SOX10: variants seen among roughly 807,000 people sequenced by gnomAD.
SOX10 encodes the protein transcription factor SOX-10.
A neutral mutation model predicts 35.0 loss-of-function variants in SOX10; 3 were observed. That is an observed-to-expected ratio of 0.09 (90% CI 0.04 to 0.22). The LOEUF (loss-of-function observed/expected upper bound fraction) is 0.22, where lower values mean the gene tolerates loss of function less well. Ranked by LOEUF, SOX10 falls within the 10% of genes least tolerant of loss-of-function variation. The probability of loss-of-function intolerance (pLI) is 1.00; values close to 1 mark genes in which losing one functional copy is unlikely to be tolerated. For missense variants in SOX10, 436 were observed against 655.1 expected (o/e 0.67, Z 3.65); for synonymous variants, 285 against 291.0 (o/e 0.98, Z 0.21).
rs1932299360 is a variant in SOX10, at chr22:37,978,651, A to C, written c.429-516T>G. 1.3e-5 allele frequency among the ~76,000 whole-genome samples: 2 copies of C among 152,176 alleles called. No individual in the cohort carries two copies. Among genetic ancestry groups the C allele is most frequent in the Non-Finnish European group, 2.9e-5 (2 of 68,032 alleles). ...TACTTCTCTGAGCCTGAGTTTCTTC[A>C]CCTATAAAAGGATGATAACATTGGC... On this transcript the variant is annotated intron_variant, in intron 2 of 3. Coordinates refer to ENST00000396884, the MANE Select transcript of SOX10 (RefSeq NM_006941.4). The surrounding 1 kb of genome is among the most constrained non-coding windows in gnomAD (Gnocchi z 5.0).
At position 37,973,291 on chromosome 22, in the gene SOX10, T is replaced by C. The variant is rs1932113851; in HGVS notation, c.*204A>G. 1 of 559,556 alleles carries C rather than the reference T, an allele frequency of 1.8e-6. No individual in the cohort carries two copies. Among genetic ancestry groups the C allele is most frequent in the African/African-American group, 1.9e-5 (1 of 53,396 alleles). 34.7% of individuals were successfully genotyped at this position (559,556 alleles called of 1,614,324 possible). ...CCTCCTTCTCCTCTGTCCAGCCTGT[T>C]CTCCTGGGGCTTTGCTGCTGGAGCC... On this transcript the variant is annotated 3_prime_UTR_variant, in exon 4 of 4. Coordinates refer to ENST00000396884, the MANE Select transcript of SOX10 (RefSeq NM_006941.4).
rs1932163835 is a variant in SOX10, at chr22:37,974,404, G to A, written c.698-206C>T. ...TTTCGCTCTTGTTGCCCAGACTGGA[G>A]TGCAGTGGCGCCATCTCGGCTCACT... On this transcript the variant is annotated intron_variant, in intron 3 of 3. Coordinates refer to ENST00000396884, the MANE Select transcript of SOX10 (RefSeq NM_006941.4). This position sits in a 1 kb window ranked among gnomAD's most constrained non-coding sequence, Gnocchi z 5.4. 6.6e-6 allele frequency among the ~76,000 whole-genome samples: 1 copy of A among 151,036 alleles called. No homozygotes were observed. The highest frequency in any genetic ancestry group is 6.6e-5 in the Admixed American group (1 of 15,188).
At position 37,974,228 on chromosome 22, in the gene SOX10, C is replaced by T. The variant is rs1224599820; in HGVS notation, c.698-30G>A. 8 of 1,532,200 alleles carry T rather than the reference C, an allele frequency of 5.2e-6. No individual in the cohort carries two copies. The highest frequency in any genetic ancestry group is 4.5e-5 in the East Asian group (2 of 44,312). 94.9% of individuals were successfully genotyped at this position (1,532,200 alleles called of 1,614,324 possible). On this transcript the variant is annotated intron_variant, in intron 3 of 3. Transcript: ENST00000396884. The surrounding 1 kb of genome is among the most constrained non-coding windows in gnomAD (Gnocchi z 5.4). ...GTAGAAGGGAGACAGAGAGAGAGAGCGCAAGGGGGAAGCAGGTTAGAGGCA... is the reference window on the plus strand; with the variant it reads ...GTAGAAGGGAGACAGAGAGAGAGAGTGCAAGGGGGAAGCAGGTTAGAGGCA...
At position 37,980,051 on chromosome 22, in the gene SOX10, C is replaced by A. The variant is rs1356346024; in HGVS notation, c.429-1916G>T. Among the ~76,000 whole-genome samples the A allele has an allele frequency of 6.6e-6, 1 of 152,150 alleles. No individual in the cohort carries two copies. Among genetic ancestry groups the A allele is most frequent in the Non-Finnish European group, 1.5e-5 (1 of 68,022 alleles). Reference sequence around the variant, plus strand: ...GGCTTAGCCTCCCTGTCTACTCCCCCCACCCCGGCCCTGAGCCCAGCCCTA... The same window carrying A: ...GGCTTAGCCTCCCTGTCTACTCCCCACACCCCGGCCCTGAGCCCAGCCCTA... On this transcript the variant is annotated intron_variant, in intron 2 of 3. Coordinates refer to ENST00000396884, the MANE Select transcript of SOX10 (RefSeq NM_006941.4). This position sits in a 1 kb window ranked among gnomAD's most constrained non-coding sequence, Gnocchi z 4.1.
chr22:37,976,337 G>A (rs907944611), intron 3 of SOX10, among the ~76,000 whole-genome samples: 1 of 152,178 alleles, frequency 6.6e-6, no homozygotes, highest in Non-Finnish European at 1.5e-5. Context: ...CTGGGACTGC[G>A]GGCGCATTCC....
intron 3 of SOX10, 44 bp downstream of exon 3, chr22:37,977,823 C>G (rs1187587983): frequency 1.9e-6 from 3 of 1,581,096 alleles, no homozygotes; most frequent in East Asian, 4.5e-5. Context: ...CCTGTCTCCA[C>G]TGACTGGCCT....
Position 37,983,678 on chromosome 22 carries a change from C to CCGCCGT in SOX10, c.101_106dup (p.Asp34_Gly35dup). ...GGCTCGCAGGCCCGATCCGCCGCCG[C>CCGCCGT]CGCCGTCGGGCCCTAGCGAGGGCGC... is the stretch of plus-strand genomic sequence containing the variant. On this transcript the variant is annotated inframe_insertion, in exon 2 of 4. Transcript: ENST00000396884. This position sits in a 1 kb window ranked among gnomAD's most constrained non-coding sequence, Gnocchi z 9.5. The CCGCCGT allele has an allele frequency of 3.2e-6, 5 of 1,565,348 alleles. No homozygotes were observed. Among genetic ancestry groups the CCGCCGT allele is most frequent in the Non-Finnish European group, 2.6e-6 (3 of 1,162,174 alleles).
At position 37,983,470 on chromosome 22, in the gene SOX10, C is replaced by T. The variant is rs1932465045; in HGVS notation, c.315G>A (p.Lys105=). 4 of 1,612,346 alleles carry T rather than the reference C, an allele frequency of 2.5e-6. No individual in the cohort carries two copies. Among genetic ancestry groups the T allele is most frequent in the Non-Finnish European group, 3.4e-6 (4 of 1,179,524 alleles). ...NGASKSKPHV[K]RPMNAFMVWA... ...ACACCATGAAGGCGTTCATGGGCCG[C>T]TTGACGTGCGGCTTGCTTTTGCTGG... The change falls in exon 2 of 4, where the codon AAG becomes AAA. Residue 105 remains lysine (K), a synonymous_variant. Coordinates refer to ENST00000396884, the MANE Select transcript of SOX10 (RefSeq NM_006941.4). The surrounding 1 kb of genome is among the most constrained non-coding windows in gnomAD (Gnocchi z 9.5).
chr22:37,978,184 T>C lies in SOX10; in HGVS notation c.429-49A>G. ...AGGACAGCAGAGGGGCTGGCGTGAA[T>C]GCCAGAGCACTCCAGGTTGGCCTCC... On this transcript the variant is annotated intron_variant, in intron 2 of 3. Transcript: ENST00000396884. The surrounding 1 kb of genome is among the most constrained non-coding windows in gnomAD (Gnocchi z 5.0). 6.8e-7 allele frequency: 1 copy of C among 1,473,804 alleles called. No homozygotes were observed. The highest frequency in any genetic ancestry group is 9.0e-7 in the Non-Finnish European group (1 of 1,112,364). The allele number at this position is 1,473,804 out of a possible 1,614,324, so 91.3% of individuals were successfully genotyped here. A position where few individuals can be genotyped will look rare whatever the true frequency, so the allele number is the denominator to read the frequency against.
chr22:37,982,395 G>C (rs1229744198), intron 2 of SOX10, among the ~76,000 whole-genome samples: 1 of 152,146 alleles, frequency 6.6e-6, no homozygotes, highest in Non-Finnish European at 1.5e-5. Context: ...GCACTCCCGG[G>C]TGGGAGTGGG....
rs564384921 is a variant in SOX10, at chr22:37,980,405, C to G, written c.429-2270G>C. 2.3e-4 allele frequency among the ~76,000 whole-genome samples: 35 copies of G among 152,154 alleles called. No homozygotes were observed. Among genetic ancestry groups the G allele is most frequent in the Non-Finnish European group, 4.0e-4 (27 of 68,022 alleles). ...GCAGCCAGCATCAGCAAGAAAGTGA[C>G]AGGGGCCAGAAGAGAGAGAGGATTC... On this transcript the variant is annotated intron_variant, in intron 2 of 3. Coordinates refer to ENST00000396884, the MANE Select transcript of SOX10 (RefSeq NM_006941.4). The surrounding 1 kb of genome is among the most constrained non-coding windows in gnomAD (Gnocchi z 4.1).
chr22:37,977,857 C>G lies in SOX10; in HGVS notation c.697+10G>C. On this transcript the variant is annotated intron_variant, in intron 3 of 3. Transcript: ENST00000396884. ...CTTGCCCCACCCTCAGCTCTGTCATCAGCACTCACCTGAGGGGTGCTCGGG... is the reference window on the plus strand; with the variant it reads ...CTTGCCCCACCCTCAGCTCTGTCATGAGCACTCACCTGAGGGGTGCTCGGG... 1.9e-6 allele frequency: 3 copies of G among 1,605,024 alleles called. No homozygotes were observed. Among genetic ancestry groups the G allele is most frequent in the Non-Finnish European group, 2.6e-6 (3 of 1,174,406 alleles).
chr22:37,981,871 G>C (rs1213782970), intron 2 of SOX10, among the ~76,000 whole-genome samples: 3 of 152,214 alleles, frequency 2.0e-5, no homozygotes, highest in Non-Finnish European at 4.4e-5. Flanking sequence ...GGGTGAGCAG[G>C]GCACTGAGGG....
Position 37,972,352 on chromosome 22 carries a change from C to A in SOX10, c.*1143G>T, listed in dbSNP as rs1932085702. 3.0e-6 allele frequency: 2 copies of A among 674,860 alleles called. No individual in the cohort carries two copies. Among genetic ancestry groups the A allele is most frequent in the Non-Finnish European group, 4.8e-6 (2 of 416,322 alleles). 41.8% of individuals were successfully genotyped at this position (674,860 alleles called of 1,614,324 possible). ...ATTTTATTATGTGGAATGCTTAATG[C>A]AGAGTTAATAGGGGCTAGAGTGGCT... On this transcript the variant is annotated 3_prime_UTR_variant, in exon 4 of 4. Transcript: ENST00000396884.
chr22:37,983,233 A>C lies in SOX10; in HGVS notation c.428+124T>G. 1 of 1,179,434 alleles carries C rather than the reference A, an allele frequency of 8.5e-7. No individual in the cohort carries two copies. The highest frequency in any genetic ancestry group is 1.2e-6 in the Non-Finnish European group (1 of 823,226). 73.1% of individuals were successfully genotyped at this position (1,179,434 alleles called of 1,614,324 possible). On this transcript the variant is annotated intron_variant, in intron 2 of 3. Transcript: ENST00000396884. The surrounding 1 kb of genome is among the most constrained non-coding windows in gnomAD (Gnocchi z 9.5). ...GCGCGGCCCCCACACCTGGTCTTCC[A>C]GCCCTATCCAAGGAGGACTGCCAGA...
chr22:37,979,426 CG>C (rs1329750059), intron 2 of SOX10, among the ~76,000 whole-genome samples: 4 of 151,960 alleles, frequency 2.6e-5, no homozygotes, highest in Non-Finnish European at 2.9e-5. Context: ...ATGCTGCTTG[CG>C]GGGGTGGTTG....
At position 37,978,368 on chromosome 22, in the gene SOX10, G is replaced by A. The variant is rs992292424; in HGVS notation, c.429-233C>T. ...CTGCCCCCAAATCTTTCATGGGCTG[G>A]AGGGTGAGAGAGGGGTCAGCCCGCT... On this transcript the variant is annotated intron_variant, in intron 2 of 3. Transcript: ENST00000396884. The surrounding 1 kb of genome is among the most constrained non-coding windows in gnomAD (Gnocchi z 5.0). Among the ~76,000 whole-genome samples, 1 of 152,264 alleles carries A rather than the reference G, an allele frequency of 6.6e-6. No homozygotes were observed. The highest frequency in any genetic ancestry group is 1.5e-5 in the Non-Finnish European group (1 of 68,042).
Position 37,974,324 on chromosome 22 carries a change from C to A in SOX10, c.698-126G>T. ...GCCTCTGGGAAAACCTTGTAAGTTTCACATTTTGGCAGCATGAGTCGGGTT... is the reference window on the plus strand; with the variant it reads ...GCCTCTGGGAAAACCTTGTAAGTTTAACATTTTGGCAGCATGAGTCGGGTT... On this transcript the variant is annotated intron_variant, in intron 3 of 3. Transcript: ENST00000396884. The surrounding 1 kb of genome is among the most constrained non-coding windows in gnomAD (Gnocchi z 5.4). 1 of 686,106 alleles carries A rather than the reference C, an allele frequency of 1.5e-6. No homozygotes were observed. Among genetic ancestry groups the A allele is most frequent in the Non-Finnish European group, 2.5e-6 (1 of 405,236 alleles). 42.5% of individuals were successfully genotyped at this position (686,106 alleles called of 1,614,324 possible).
Position 37,974,710 on chromosome 22 carries a change from A to G in SOX10, c.698-512T>C, listed in dbSNP as rs577558350. ...TCTCTAGTTGTTTATGAAATTCTCAAATCTTAGGGATGGGTCCTGGGGAGG... is the reference window on the plus strand; with the variant it reads ...TCTCTAGTTGTTTATGAAATTCTCAGATCTTAGGGATGGGTCCTGGGGAGG... On this transcript the variant is annotated intron_variant, in intron 3 of 3. Transcript: ENST00000396884. The surrounding 1 kb of genome is among the most constrained non-coding windows in gnomAD (Gnocchi z 5.4). Among the ~76,000 whole-genome samples the G allele has an allele frequency of 2.6e-4, 40 of 152,072 alleles. No individual in the cohort carries two copies. Among genetic ancestry groups the G allele is most frequent in the Admixed American group, 4.6e-4 (7 of 15,274 alleles).
Sources: allele counts gnomAD v4.1 joint callset (sites outside exome capture counted in the v4.1 genomes callset), GRCh38; gene constraint gnomAD v4.1.1; non-coding constraint Gnocchi (gnomAD v3.1); transcripts MANE v1.5; gene names NCBI Gene and HGNC (gene_info 2026-07-23, HGNC 2026-07-21).